DPP6: variants seen among roughly 807,000 people sequenced by gnomAD.
DPP6 encodes the protein A-type potassium channel modulatory protein DPP6.
Under a neutral mutation model 122.6 loss-of-function variants are expected in DPP6, and 69 were observed. The ratio of observed to expected loss-of-function variants is 0.56; its 90% CI spans 0.46 to 0.69. The LOEUF (loss-of-function observed/expected upper bound fraction) is 0.69, where lower values mean the gene tolerates loss of function less well. Among genes scored for constraint, DPP6 ranks in the 30% least tolerant of loss-of-function variants. The pLI is 0.00. For missense variants in DPP6, 928 were observed against 1,116.9 expected (o/e 0.83, Z 2.41); for synonymous variants, 418 against 433.1 (o/e 0.97, Z 0.43).
the DPP6 span, among the ~76,000 whole-genome samples, chr7:153,843,080 G>A: frequency 1.7e-3 from 246 of 148,814 alleles, 2 homozygotes; most frequent in African/African-American, 6.0e-3. Flanking sequence ...ACACACGTGC[G>A]CACACACACG....
At chr7:154,005,564 C>G (rs1797878277) in intron 1 of DPP6, among the ~76,000 whole-genome samples, 1 of 151,558 alleles carries the variant, frequency 6.6e-6, no homozygotes, top group Non-Finnish European at 1.5e-5. Flanking sequence ...AGTAGGCAGG[C>G]CTGAAGAAGG....
intron 1 of DPP6, among the ~76,000 whole-genome samples, chr7:154,405,973 C>T (rs556017342): frequency 1.3e-5 from 2 of 152,202 alleles, no homozygotes; most frequent in African/African-American, 4.8e-5. Flanking sequence ...AAATGCGATG[C>T]GTAACATAAA....
intron 1 of DPP6, among the ~76,000 whole-genome samples, chr7:153,972,244 C>T (rs567000871): frequency 1.3e-5 from 2 of 150,294 alleles, no homozygotes; most frequent in African/African-American, 4.9e-5. Context: ...CTAGGTAGCG[C>T]ATGAGGCTGG....
chr7:154,555,634 T>A (rs530352084), intron 4 of DPP6, among the ~76,000 whole-genome samples: 5 of 151,762 alleles, frequency 3.3e-5, no homozygotes, highest in Middle Eastern at 6.8e-3. Context: ...AAATAAAATT[T>A]AAAAAAATCC....
the DPP6 span, among the ~76,000 whole-genome samples, chr7:153,851,518 T>C: frequency 6.6e-6 from 1 of 152,216 alleles, no homozygotes; most frequent in African/African-American, 2.4e-5. Context: ...TGTTCCTTTG[T>C]ACTTAATCGG....
At chr7:154,306,686 G>A (rs1585885033) in intron 1 of DPP6, among the ~76,000 whole-genome samples, 1 of 152,170 alleles carries the variant, frequency 6.6e-6, no homozygotes, top group African/African-American at 2.4e-5. Flanking sequence ...GATAAAAGGG[G>A]GCCATTTTAT....
chr7:154,099,759 G>C, intron 1 of DPP6, among the ~76,000 whole-genome samples: 1 of 135,076 alleles, frequency 7.4e-6, no homozygotes, highest in African/African-American at 2.8e-5. Flanking sequence ...AAGTGAGCTG[G>C]GTGGCTGCTG....
chr7:154,597,951 AT>A (rs999096577), intron 5 of DPP6, among the ~76,000 whole-genome samples: 40 of 152,186 alleles, frequency 2.6e-4, no homozygotes, highest in Non-Finnish European at 1.8e-4. Flanking sequence ...AGTCATTTGG[AT>A]AAGGATCTTT....
intron 1 of DPP6, among the ~76,000 whole-genome samples, chr7:154,018,065 A>G (rs1798514500): frequency 6.6e-6 from 1 of 152,108 alleles, no homozygotes; most frequent in Non-Finnish European, 1.5e-5. Flanking sequence ...TACCCATGGA[A>G]CCAGCTGGGC....
At chr7:154,216,652 A>G (rs1563328235) in intron 1 of DPP6, among the ~76,000 whole-genome samples, 1 of 152,110 alleles carries the variant, frequency 6.6e-6, no homozygotes, top group Non-Finnish European at 1.5e-5. Flanking sequence ...CCATTGGGTA[A>G]TTCTTCTATT....
chr7:153,880,078 C>T, the DPP6 span, among the ~76,000 whole-genome samples: 10 of 152,134 alleles, frequency 6.6e-5, no homozygotes, highest in Non-Finnish European at 1.3e-4. Flanking sequence ...GAATGTGTCA[C>T]AAAACTGCTT....
the DPP6 span, among the ~76,000 whole-genome samples, chr7:153,872,280 G>A: frequency 5.9e-5 from 9 of 152,116 alleles, no homozygotes; most frequent in African/African-American, 1.9e-4. Context: ...AAGCATCCAG[G>A]TACCTCACAG....
At chr7:154,669,852 T>TC (rs368221349) in intron 7 of DPP6, among the ~76,000 whole-genome samples, 2 of 151,294 alleles carry the variant, frequency 1.3e-5, no homozygotes, top group Non-Finnish European at 1.5e-5. Context: ...GGTTTTTTTT[T>TC]GTTTTTTGTT....
chr7:154,437,729 A>G (rs1818987801), intron 1 of DPP6, among the ~76,000 whole-genome samples: 1 of 152,208 alleles, frequency 6.6e-6, no homozygotes, highest in Non-Finnish European at 1.5e-5. Context: ...TGAGTCCAGG[A>G]GTTCAAGATC....
chr7:154,073,817 TC>T (rs1245192266), intron 1 of DPP6, among the ~76,000 whole-genome samples: 1 of 152,164 alleles, frequency 6.6e-6, no homozygotes, highest in Admixed American at 6.5e-5. Flanking sequence ...AAACCCCATC[TC>T]TACTAAAAAT....
intron 1 of DPP6, among the ~76,000 whole-genome samples, chr7:154,442,394 A>G (rs2151281310): frequency 6.6e-6 from 1 of 152,336 alleles, no homozygotes; most frequent in South Asian, 2.1e-4. Flanking sequence ...GGGGGAAAGA[A>G]TAATGCCGGT....
chr7:154,344,731 A>T (rs1283151392), intron 1 of DPP6, among the ~76,000 whole-genome samples: 1 of 152,116 alleles, frequency 6.6e-6, no homozygotes, highest in Admixed American at 6.6e-5. Context: ...TACTAAAAAT[A>T]CAAAAAATTA....
chr7:154,217,248 G>A (rs547525706), intron 1 of DPP6, among the ~76,000 whole-genome samples: 27 of 152,276 alleles, frequency 1.8e-4, no homozygotes, highest in African/African-American at 6.3e-4. Context: ...GAGCATTGGT[G>A]CGGGTTACTT....
chr7:154,340,912 G>A (rs1260459903), intron 1 of DPP6, among the ~76,000 whole-genome samples: 1 of 152,134 alleles, frequency 6.6e-6, no homozygotes, highest in Non-Finnish European at 1.5e-5. Context: ...TTGGCTCTGA[G>A]TGTGCTTACG....
Sources: allele counts gnomAD v4.1 joint callset (sites outside exome capture counted in the v4.1 genomes callset), GRCh38; gene constraint gnomAD v4.1.1; transcripts MANE v1.5; gene names NCBI Gene and HGNC (gene_info 2026-07-23, HGNC 2026-07-21).